NELL1: variants seen among roughly 807,000 people sequenced by gnomAD.
NELL1 encodes the protein protein kinase C-binding protein NELL1.
NELL1 carries 76 observed loss-of-function variants against 107.4 expected under a neutral mutation model. The observed-to-expected ratio is 0.71, with a 90% CI of 0.59 to 0.86. NELL1 has a LOEUF of 0.86. Ranked by LOEUF, NELL1 falls within the 40% of genes least tolerant of loss-of-function variation. The probability of loss-of-function intolerance (pLI) is 0.00; values close to 1 mark genes in which losing one functional copy is unlikely to be tolerated. For missense variants in NELL1, 1,024 were observed against 1,005.5 expected (o/e 1.02, Z -0.25); for synonymous variants, 353 against 341.2 (o/e 1.03, Z -0.38).
chr11:20,985,297 T>C (rs12273464), intron 12 of NELL1, among the ~76,000 whole-genome samples: 22,596 of 152,180 alleles, frequency 0.15, 2,128 homozygotes, highest in East Asian at 0.26. Context: ...GATAAAACTT[T>C]ATATATGTTT....
At chr11:21,234,104 T>C (rs1858136825) in intron 14 of NELL1, among the ~76,000 whole-genome samples, 1 of 152,206 alleles carries the variant, frequency 6.6e-6, no homozygotes, top group Non-Finnish European at 1.5e-5. Context: ...GAGCTATGTG[T>C]AAAGCATATG....
At chr11:21,162,162 G>A (rs7103371) in intron 13 of NELL1, among the ~76,000 whole-genome samples, 19,266 of 151,920 alleles carry the variant, frequency 0.13, 1,691 homozygotes, top group African/African-American at 0.25. Context: ...TGTTGACCAG[G>A]ATGGTCTCAA....
At chr11:20,686,031 A>T (rs1043432873) in intron 2 of NELL1, among the ~76,000 whole-genome samples, 6 of 152,088 alleles carry the variant, frequency 3.9e-5, no homozygotes, top group Non-Finnish European at 8.8e-5. Flanking sequence ...AAAAAGACTG[A>T]TAAGAATTCA....
intron 12 of NELL1, among the ~76,000 whole-genome samples, chr11:20,961,707 A>C (rs1398371240): frequency 6.6e-6 from 1 of 152,160 alleles, no homozygotes; most frequent in Admixed American, 6.6e-5. Flanking sequence ...AAAATACAGA[A>C]TTCATGGGAT....
intron 15 of NELL1, among the ~76,000 whole-genome samples, chr11:21,517,996 T>A (rs1855614345): frequency 6.6e-6 from 1 of 151,862 alleles, no homozygotes; most frequent in South Asian, 2.1e-4. Flanking sequence ...AAGATATTTT[T>A]AAGCCAAGTG....
intron 14 of NELL1, among the ~76,000 whole-genome samples, chr11:21,366,807 T>C (rs1366945927): frequency 6.6e-6 from 1 of 152,132 alleles, no homozygotes; most frequent in Non-Finnish European, 1.5e-5. Context: ...GAAATTTGTA[T>C]GTTTACTTAC....
chr11:20,947,511 T>C (rs528861739), intron 11 of NELL1, 76 bp downstream of exon 11: 1 of 1,041,422 alleles, frequency 9.6e-7, no homozygotes, highest in East Asian at 2.4e-5. Context: ...TTTTAATGAA[T>C]AGTATGATAA....
At chr11:21,351,522 TA>T (rs200874666) in intron 14 of NELL1, among the ~76,000 whole-genome samples, 3,929 of 137,244 alleles carry the variant, frequency 0.029, 50 homozygotes, top group African/African-American at 0.035. Flanking sequence ...TTATTTCCAG[TA>T]AAAAAAAAAA....
At chr11:20,786,824 C>T (rs867054241) in intron 3 of NELL1, among the ~76,000 whole-genome samples, 34 of 151,596 alleles carry the variant, frequency 2.2e-4, no homozygotes, top group East Asian at 7.8e-4. Flanking sequence ...CTGGCTAACA[C>T]GGTGAAACCC....
intron 2 of NELL1, among the ~76,000 whole-genome samples, chr11:20,724,879 GA>G: frequency 6.6e-6 from 1 of 152,298 alleles, no homozygotes; most frequent in East Asian, 1.9e-4. Context: ...AATTTATAAA[GA>G]AAGGTTTAAT....
chr11:21,458,545 CAAAG>C (rs968235434), intron 15 of NELL1, among the ~76,000 whole-genome samples: 1 of 151,878 alleles, frequency 6.6e-6, no homozygotes, highest in African/African-American at 2.4e-5. Flanking sequence ...ATGTTATTTT[CAAAG>C]AAAGACTTTC....
At chr11:20,986,182 C>T (rs992831260) in intron 12 of NELL1, among the ~76,000 whole-genome samples, 1 of 152,112 alleles carries the variant, frequency 6.6e-6, no homozygotes, top group East Asian at 1.9e-4. Flanking sequence ...TCTTTACAAG[C>T]CAGGGAGCCT....
At chr11:21,237,443 GTCTT>G (rs1409961746) in intron 14 of NELL1, among the ~76,000 whole-genome samples, 1 of 152,014 alleles carries the variant, frequency 6.6e-6, no homozygotes, top group Non-Finnish European at 1.5e-5. Flanking sequence ...AACTGAATGA[GTCTT>G]TCTTTCTTAC....
chr11:21,544,670 T>G (rs1856387268), intron 16 of NELL1, among the ~76,000 whole-genome samples: 1 of 151,986 alleles, frequency 6.6e-6, no homozygotes. Flanking sequence ...TGATCTCTAT[T>G]TAATGGACAA....
chr11:21,466,999 G>T (rs1161142178), intron 15 of NELL1, among the ~76,000 whole-genome samples: 1 of 152,036 alleles, frequency 6.6e-6, no homozygotes, highest in Non-Finnish European at 1.5e-5. Context: ...GTGACATGGA[G>T]TATTAATTTC....
At chr11:21,318,182 G>A (rs1849922780) in intron 14 of NELL1, among the ~76,000 whole-genome samples, 4 of 152,132 alleles carry the variant, frequency 2.6e-5, no homozygotes, top group Admixed American at 2.0e-4. Context: ...AGCATAGCAT[G>A]CTCTTTCTCC....
intron 14 of NELL1, among the ~76,000 whole-genome samples, chr11:21,322,817 C>A (rs1850043659): frequency 6.6e-6 from 1 of 152,044 alleles, no homozygotes; most frequent in African/African-American, 2.4e-5. Flanking sequence ...GACTTCTGAG[C>A]AAATGCCCCA....
At chr11:21,343,913 A>G (rs1850629623) in intron 14 of NELL1, among the ~76,000 whole-genome samples, 1 of 152,160 alleles carries the variant, frequency 6.6e-6, no homozygotes, top group African/African-American at 2.4e-5. Flanking sequence ...CTGGGAGTGT[A>G]CTATGCCCTC....
At chr11:20,849,829 T>C (rs938148757) in intron 4 of NELL1, among the ~76,000 whole-genome samples, 1 of 152,174 alleles carries the variant, frequency 6.6e-6, no homozygotes, top group South Asian at 2.1e-4. Context: ...AATCTGACTA[T>C]ACCTAAGAAT....
Sources: allele counts gnomAD v4.1 joint callset (sites outside exome capture counted in the v4.1 genomes callset), GRCh38; gene constraint gnomAD v4.1.1; transcripts MANE v1.5; gene names NCBI Gene and HGNC (gene_info 2026-07-23, HGNC 2026-07-21).